Variants in PTPRH observed in about 807,000 individuals in gnomAD.
PTPRH encodes the protein receptor-type tyrosine-protein phosphatase H.
A neutral mutation model predicts 130.2 loss-of-function variants in PTPRH; 113 were observed. The ratio of observed to expected loss-of-function variants is 0.87; its 90% CI spans 0.75 to 1.01. The LOEUF is 1.01. Among genes scored for constraint, PTPRH ranks in the 50% least tolerant of loss-of-function variants. The pLI is 0.00. For missense variants in PTPRH, 1,430 were observed against 1,425.0 expected (o/e 1.00, Z -0.06); for synonymous variants, 556 against 577.9 (o/e 0.96, Z 0.54).
chr19:55,198,100 C>T (rs2086742959), intron 8 of PTPRH, among the ~76,000 whole-genome samples: 1 of 152,058 alleles, frequency 6.6e-6, no homozygotes, highest in African/African-American at 2.4e-5. Flanking sequence ...GTTTGTGGTC[C>T]CAGCTACTCA....
chr19:55,203,518 C>T (rs145724788), intron 5 of PTPRH, among the ~76,000 whole-genome samples: 4,127 of 151,372 alleles, frequency 0.027, 70 homozygotes, highest in Middle Eastern at 0.1. Context: ...CGGGCTCAAG[C>T]GATCCTCTCA....
chr19:55,203,692 A>G (rs1394612529), intron 5 of PTPRH, 90 bp downstream of exon 5: 1 of 1,446,092 alleles, frequency 6.9e-7, no homozygotes, highest in African/African-American at 1.4e-5. Context: ...CTATTGGACT[A>G]AAGAACCTGT....
intron 12 of PTPRH, chr19:55,189,819 C>T: frequency 2.3e-6 from 1 of 440,746 alleles, no homozygotes; most frequent in South Asian, 1.6e-5. Flanking sequence ...CCCCCCCGAC[C>T]TCCATCTCTA....
chr19:55,187,923 A>G (rs944806880), intron 13 of PTPRH, among the ~76,000 whole-genome samples, 155 bp downstream of exon 13: 1 of 150,560 alleles, frequency 6.6e-6, no homozygotes, highest in East Asian at 2.0e-4. Flanking sequence ...GTGAGTGGAA[A>G]GATAACATGG....
rs1196057709 is a variant in PTPRH at position 55,186,448 on chromosome 19, C to A, written c.2643+16G>T. 6.2e-7 allele frequency: 1 copy of A among 1,614,082 alleles called. No individual in the cohort carries two copies. Among genetic ancestry groups the A allele is most frequent in the Non-Finnish European group, 8.5e-7 (1 of 1,179,998 alleles). The stretch of plus-strand genomic sequence containing the variant: ...AGGCGTGCTGGGCACCCTTTCAATC[C>A]CAACCACGACCTTACGGGCATGAAG... On this transcript the variant is annotated intron_variant, in intron 15 of 19. Transcript: ENST00000376350.
rs187423102 is a variant in PTPRH at position 55,209,141 on chromosome 19, A to T, written c.51+242T>A. Among the ~76,000 whole-genome samples the T allele has an allele frequency of 4.0e-5, 6 of 150,134 alleles. No homozygotes were observed. Among genetic ancestry groups the T allele is most frequent in the African/African-American group, 1.5e-4 (6 of 40,788 alleles). Reference sequence around the variant, plus strand: ...CCGGGTGAAGCTGGTGTCCCCCACAACAGACACGACAATGTCTAAGGGCCC... The same window carrying T: ...CCGGGTGAAGCTGGTGTCCCCCACATCAGACACGACAATGTCTAAGGGCCC... On this transcript the variant is annotated intron_variant, in intron 1 of 19. Transcript: ENST00000376350. This position sits in a 1 kb window ranked among gnomAD's most constrained non-coding sequence, Gnocchi z 4.1.
rs1382143011 is a variant in PTPRH at position 55,181,860 on chromosome 19, T to C, written c.3242A>G (p.Gln1081Arg). ...FLHQCILRFL[Q>R]QSAQAPAEKE... ...CTCGGCTGGGGCCTGGGCTGACTGTTGGAGGAACCGCAGGATGCACTGATG... is the reference window on the plus strand; with the variant it reads ...CTCGGCTGGGGCCTGGGCTGACTGTCGGAGGAACCGCAGGATGCACTGATG... The change falls in exon 20 of 20, where the codon CAA (glutamine) becomes CGA (arginine). Residue 1081 changes from glutamine to arginine, a missense_variant. Coordinates refer to ENST00000376350, the MANE Select transcript of PTPRH (RefSeq NM_002842.5). The C allele has an allele frequency of 1.2e-6, 2 of 1,614,024 alleles. No homozygotes were observed. Among genetic ancestry groups the C allele is most frequent in the East Asian group, 4.5e-5 (2 of 44,904 alleles).
At position 55,185,741 on chromosome 19, in the gene PTPRH, T is replaced by TG. The variant is rs11463312; in HGVS notation, c.2902-80dup. 8.9e-3 allele frequency: 14,267 copies of TG among 1,596,172 alleles called. 672 individuals are homozygous for TG. In the African/African-American group the frequency reaches 0.13, roughly 15 times the overall value. On this transcript the variant is annotated intron_variant, in intron 17 of 19. Transcript: ENST00000376350. ...CTTCTAGCACCAGGAGCGGGTTCCC[T>TG]GGGGCACACTGCAGCTCCTCAGAGG... is the stretch of plus-strand genomic sequence containing the variant.
intron 6 of PTPRH, 62 bp downstream of exon 6, chr19:55,201,994 A>G (rs2122225923): frequency 1.3e-6 from 2 of 1,590,646 alleles, no homozygotes; most frequent in South Asian, 2.3e-5. Context: ...AATCGTCTAC[A>G]TTCTACTGCT....
At chr19:55,201,651 G>A (rs114675044) in intron 6 of PTPRH, among the ~76,000 whole-genome samples, 15 of 152,356 alleles carry the variant, frequency 9.8e-5, no homozygotes, top group African/African-American at 3.6e-4. Context: ...TCAGGGTCAT[G>A]GAGCTGATGA....
intron 12 of PTPRH, among the ~76,000 whole-genome samples, chr19:55,190,742 G>T (rs963408168): frequency 1.3e-5 from 2 of 149,990 alleles, no homozygotes; most frequent in Admixed American, 1.4e-4. Context: ...TGATTCTCCT[G>T]CCCCAGCCAC....
chr19:55,191,018 T>A (rs1451549676), intron 12 of PTPRH, among the ~76,000 whole-genome samples: 1 of 152,030 alleles, frequency 6.6e-6, no homozygotes, highest in African/African-American at 2.4e-5. Flanking sequence ...ATTTTTTGTA[T>A]TTTTTAGTGG....
chr19:55,208,136 G>C (rs2087128515), intron 1 of PTPRH, among the ~76,000 whole-genome samples: 1 of 89,682 alleles, frequency 1.1e-5, no homozygotes, highest in Non-Finnish European at 2.1e-5. Context: ...GGGGCCTGGG[G>C]GCCTGGGTCT....
intron 1 of PTPRH, among the ~76,000 whole-genome samples, chr19:55,207,494 G>C (rs1040168102): frequency 6.6e-6 from 1 of 152,206 alleles, no homozygotes; most frequent in Non-Finnish European, 1.5e-5. Context: ...GAAAACCGAG[G>C]GCAGAGAGCA....
At chr19:55,204,608 C>A (rs1368766585) in intron 4 of PTPRH, among the ~76,000 whole-genome samples, 2 of 152,008 alleles carry the variant, frequency 1.3e-5, no homozygotes, top group Non-Finnish European at 2.9e-5. Flanking sequence ...TTTTCTCCCC[C>A]ACCAGTGTCA....
At chr19:55,183,642 T>G (rs1012254650) in intron 18 of PTPRH, among the ~76,000 whole-genome samples, 2 of 152,010 alleles carry the variant, frequency 1.3e-5, no homozygotes, top group African/African-American at 4.8e-5. Context: ...GAGAATTGCT[T>G]GAACTTGGGA....
intron 1 of PTPRH, 156 bp from the exon 2 acceptor site, chr19:55,207,355 C>T (rs928610725): frequency 2.4e-5 from 18 of 751,090 alleles, no homozygotes; most frequent in Admixed American, 2.8e-5. Context: ...CGACCTCGAC[C>T]GTCTTTCCTG....
chr19:55,207,611 G>C (rs1258068552), intron 1 of PTPRH, among the ~76,000 whole-genome samples: 25 of 150,266 alleles, frequency 1.7e-4, no homozygotes, highest in Non-Finnish European at 3.1e-4. Flanking sequence ...GGGAGGAGGG[G>C]CTGGGGGTCT....
Position 55,182,120 on chromosome 19 carries a change from C to T in PTPRH, c.3094G>A (p.Ala1032Thr), listed in dbSNP as rs1237773612. 6.2e-7 allele frequency: 1 copy of T among 1,614,010 alleles called. No homozygotes were observed. The highest frequency in any genetic ancestry group is 8.5e-7 in the Non-Finnish European group (1 of 1,180,040). The change falls in exon 19 of 20, where the codon GCC (alanine) becomes ACC (threonine). Residue 1032 changes from alanine to threonine, a missense_variant. Physicochemically the swap from Ala to Thr is moderately conservative, Grantham distance 58 (BLOSUM62 0). Coordinates refer to ENST00000376350, the MANE Select transcript of PTPRH (RefSeq NM_002842.5). ...AGVGRTGTLIALDVLLRQLQS... is the reference protein window; with the variant it reads ...AGVGRTGTLITLDVLLRQLQS... ...AGCTGCCGGAGCAGGACGTCCAGGG[C>T]AATGAGGGTTCCTGTGCGACCCACG...
Sources: gnomAD v4.1 joint callset for allele counts (sites outside exome capture counted in the v4.1 genomes callset) on GRCh38, gnomAD v4.1.1 for gene constraint, Gnocchi (gnomAD v3.1) non-coding constraint, MANE v1.5 for transcripts, NCBI Gene and HGNC (gene_info 2026-07-23, HGNC 2026-07-21) for gene names.